DAPK1: variants seen among roughly 807,000 people sequenced by gnomAD.
DAPK1 encodes the protein death-associated protein kinase 1.
In DAPK1, 56 loss-of-function variants were observed where a neutral mutation model predicts 144.9. The ratio of observed to expected loss-of-function variants is 0.39; its 90% CI spans 0.31 to 0.48. The LOEUF (loss-of-function observed/expected upper bound fraction) is 0.48, where lower values mean the gene tolerates loss of function less well. Ranked by LOEUF, DAPK1 falls within the 20% of genes least tolerant of loss-of-function variation. The probability of loss-of-function intolerance (pLI) is 0.95; values close to 1 mark genes in which losing one functional copy is unlikely to be tolerated. For synonymous variants in DAPK1, 690 were observed against 749.0 expected, an observed-to-expected ratio of 0.92 and a Z score of 1.29; for missense variants, 1,454 against 1,875.4, an observed-to-expected ratio of 0.78 and a Z score of 4.15.
At chr9:87,682,997 CT>C (rs1421178073) in intron 20 of DAPK1, among the ~76,000 whole-genome samples, 3 of 151,286 alleles carry the variant, frequency 2.0e-5, no homozygotes, top group Non-Finnish European at 2.9e-5. Flanking sequence ...AGAGTCAAAA[CT>C]TTAAAAAATT....
chr9:87,639,483 G>C lies in DAPK1; in HGVS notation c.553G>C (p.Ala185Pro). The change falls in exon 5 of 26, where the codon GCT (alanine) becomes CCT (proline). Residue 185 changes from alanine to proline, a missense_variant and splice_region_variant. Physicochemically the swap from Ala to Pro is conservative, Grantham distance 27. Transcript: ENST00000408954. The stretch of plus-strand genomic sequence containing the variant: ...CATATTTGGGACTCCAGAGTTTGTC[G>C]GTAAGTTTCTTTGCTCCTGTGGTCA... ...KNIFGTPEFV[A>P]PEIVNYEPLG... is the part of the protein sequence containing the mutation. 6.2e-7 allele frequency: 1 copy of C among 1,610,670 alleles called. No individual in the cohort carries two copies. The highest frequency in any genetic ancestry group is 8.5e-7 in the Non-Finnish European group (1 of 1,179,190).
intron 10 of DAPK1, among the ~76,000 whole-genome samples, 159 bp from the exon 11 acceptor site, chr9:87,643,217 C>G (rs1830154887): frequency 6.6e-6 from 1 of 152,024 alleles, no homozygotes; most frequent in South Asian, 2.1e-4. Flanking sequence ...GTAGGATTGC[C>G]CACCCTGGGA....
At chr9:87,579,471 C>T (rs182811505) in intron 2 of DAPK1, among the ~76,000 whole-genome samples, 1 of 152,138 alleles carries the variant, frequency 6.6e-6, no homozygotes, top group Admixed American at 6.5e-5. Flanking sequence ...CCAGAAGAAG[C>T]TCTGTGCCGG....
chr9:87,624,777 A>G (rs747157401), intron 3 of DAPK1, among the ~76,000 whole-genome samples: 44 of 152,228 alleles, frequency 2.9e-4, no homozygotes, highest in Non-Finnish European at 5.1e-4. Flanking sequence ...CCACAGCGCC[A>G]GAGGCCTAGC....
intron 2 of DAPK1, among the ~76,000 whole-genome samples, chr9:87,563,171 G>T (rs1826993976): frequency 6.6e-6 from 1 of 152,120 alleles, no homozygotes; most frequent in South Asian, 2.1e-4. Context: ...GTACCTTCCG[G>T]CATTCTTTCC....
intron 3 of DAPK1, among the ~76,000 whole-genome samples, chr9:87,614,389 C>G (rs1307600002): frequency 6.6e-6 from 1 of 152,154 alleles, no homozygotes; most frequent in Admixed American, 6.5e-5. Flanking sequence ...CTGTTTATCT[C>G]CAAGAAAGAC....
At chr9:87,666,439 A>G (rs372521888) in intron 18 of DAPK1, among the ~76,000 whole-genome samples, 1 of 151,864 alleles carries the variant, frequency 6.6e-6, no homozygotes, top group East Asian at 1.9e-4. Context: ...AATGTGAGGA[A>G]ACATTTTTAT....
intron 2 of DAPK1, among the ~76,000 whole-genome samples, chr9:87,525,089 ACCCTGAGGTCT>A (rs1825442253): frequency 6.6e-6 from 1 of 152,130 alleles, no homozygotes; most frequent in Middle Eastern, 3.2e-3. Flanking sequence ...TGAACAGTGC[ACCCTGAGGTCT>A]CCCTGGGGTC....
chr9:87,621,839 G>A (rs535780843), intron 3 of DAPK1, among the ~76,000 whole-genome samples: 80 of 152,174 alleles, frequency 5.3e-4, no homozygotes, highest in Middle Eastern at 6.8e-3. Context: ...TAGAACTGTG[G>A]CCTGGGTGAC....
At chr9:87,519,295 C>T (rs184131443) in intron 2 of DAPK1, among the ~76,000 whole-genome samples, 2 of 152,354 alleles carry the variant, frequency 1.3e-5, no homozygotes, top group Admixed American at 1.3e-4. Context: ...TATAAAAAGA[C>T]TGCTGTTGGC....
At chr9:87,632,762 G>A in intron 3 of DAPK1, 2 of 982,048 alleles carry the variant, frequency 2.0e-6, no homozygotes, top group Non-Finnish European at 2.4e-6. Flanking sequence ...GAAGGAGGAT[G>A]AGTATATATG....
chr9:87,547,965 C>T (rs532609726), intron 2 of DAPK1, among the ~76,000 whole-genome samples: 19 of 152,184 alleles, frequency 1.2e-4, no homozygotes, highest in Admixed American at 3.3e-4. Flanking sequence ...TAAAGTGAGT[C>T]ACCTACCTCA....
At chr9:87,584,119 A>G (rs752162464) in intron 2 of DAPK1, among the ~76,000 whole-genome samples, 5 of 152,234 alleles carry the variant, frequency 3.3e-5, no homozygotes, top group Non-Finnish European at 5.9e-5. Flanking sequence ...TGAAGTATGT[A>G]TACATTGTGA....
chr9:87,694,850 G>T (rs770429497), intron 21 of DAPK1, among the ~76,000 whole-genome samples: 2 of 152,138 alleles, frequency 1.3e-5, no homozygotes, highest in African/African-American at 2.4e-5. Flanking sequence ...AAATGGTGCC[G>T]CACTGTAGCT....
At chr9:87,602,114 G>A (rs1292230106) in intron 2 of DAPK1, among the ~76,000 whole-genome samples, 1 of 152,188 alleles carries the variant, frequency 6.6e-6, no homozygotes, top group African/African-American at 2.4e-5. Flanking sequence ...TGGCAGATTG[G>A]AGGAAAGGGA....
intron 18 of DAPK1, among the ~76,000 whole-genome samples, chr9:87,661,687 C>T (rs894028557): frequency 2.0e-5 from 3 of 152,020 alleles, no homozygotes; most frequent in Non-Finnish European, 4.4e-5. Flanking sequence ...TTTTGTTGTT[C>T]TTGTTGAGTT....
At chr9:87,623,098 C>T (rs548785782) in intron 3 of DAPK1, among the ~76,000 whole-genome samples, 7 of 152,186 alleles carry the variant, frequency 4.6e-5, no homozygotes, top group Admixed American at 4.6e-4. Context: ...CTTGAAAGCA[C>T]AATTGTTTAT....
Position 87,703,064 on chromosome 9 carries a change from C to A in DAPK1, c.2907C>A (p.Ile969=). Residue 969 remains isoleucine (I), a synonymous_variant, in exon 25 of 26, where the codon ATC becomes ATA. Transcript: ENST00000408954. Reference sequence around the variant, plus strand: ...CCATGACTCACCTGTGTGAGAAAATCATCTCCACGCTGCCTTCCTGGAGGA... The same window carrying A: ...CCATGACTCACCTGTGTGAGAAAATAATCTCCACGCTGCCTTCCTGGAGGA... ...CPPMTHLCEK[I]ISTLPSWRKL... 6.3e-7 allele frequency: 1 copy of A among 1,599,256 alleles called. No individual in the cohort carries two copies. Among genetic ancestry groups the A allele is most frequent in the Non-Finnish European group, 8.6e-7 (1 of 1,166,450 alleles).
At chr9:87,706,000 T>C (rs908179096) in intron 25 of DAPK1, 132 bp from the exon 26 acceptor site, 1 of 620,590 alleles carries the variant, frequency 1.6e-6, no homozygotes, top group South Asian at 2.6e-5. Flanking sequence ...CCACGTGGAA[T>C]GGCCTTGGGT....
Sources: allele counts gnomAD v4.1 joint callset (sites outside exome capture counted in the v4.1 genomes callset), GRCh38; gene constraint gnomAD v4.1.1; transcripts MANE v1.5; gene names NCBI Gene and HGNC (gene_info 2026-07-23, HGNC 2026-07-21).